The following SMG6 variants were observed in gnomAD, a reference collection of about 807,000 sequenced individuals.
The protein encoded by SMG6 is SMG6 nonsense mediated mRNA decay factor.
In SMG6, 66 loss-of-function variants were observed where a neutral mutation model predicts 142.2. The observed-to-expected ratio is 0.46, with a 90% confidence interval of 0.38 to 0.57. SMG6 has a LOEUF of 0.57. Among genes scored for constraint, SMG6 ranks in the 20% least tolerant of loss-of-function variants. The pLI is 0.00. For synonymous variants in SMG6, 779 were observed against 702.4 expected (o/e 1.11, Z -1.72); for missense variants, 1,793 against 1,832.0 (o/e 0.98, Z 0.39).
chr17:2,085,850 C>T lies in SMG6; in HGVS notation c.3409G>A (p.Ala1137Thr). The change falls in exon 14 of 19, where the codon GCC (alanine) becomes ACC (threonine). Residue 1137 changes from alanine to threonine, a missense_variant. Transcript: ENST00000263073. The surrounding 1 kb of genome is among the most constrained non-coding windows in gnomAD (Gnocchi z 4.1). ...RVTVLKYFLE[A>T]LCGQEEPLLA... ...AGAGGCTCTTCTTGTCCACAAAGGGCTTCCAGAAAATACTTCAGCACTGTG... is the reference window on the plus strand; with the variant it reads ...AGAGGCTCTTCTTGTCCACAAAGGGTTTCCAGAAAATACTTCAGCACTGTG... 6.2e-7 allele frequency: 1 copy of T among 1,614,238 alleles called. No individual in the cohort carries two copies. Among genetic ancestry groups the T allele is most frequent in the Non-Finnish European group, 8.5e-7 (1 of 1,180,040 alleles).
chr17:2,303,449 G>T, intron 1 of SMG6, 184 bp downstream of exon 1: 1 of 1,305,342 alleles, frequency 7.7e-7, no homozygotes, highest in Non-Finnish European at 9.7e-7. Context: ...GACTGGCCGA[G>T]CCCGACCCCG....
rs1175659261 is a variant in SMG6, at chr17:2,071,360, G to A, written c.3682-2429C>T. Among the ~76,000 whole-genome samples, 1 of 152,230 alleles carries A rather than the reference G, an allele frequency of 6.6e-6. No individual in the cohort carries two copies. Among genetic ancestry groups the A allele is most frequent in the Non-Finnish European group, 1.5e-5 (1 of 68,036 alleles). On this transcript the variant is annotated intron_variant, in intron 15 of 18. Coordinates refer to ENST00000263073, the MANE Select transcript of SMG6 (RefSeq NM_017575.5). The surrounding 1 kb of genome is among the most constrained non-coding windows in gnomAD (Gnocchi z 5.6). ...AGGCAGGAGAGCCTTGAAGCCAGGT[G>A]GCTGAGGGATGCTGGGGACAAACTG...
chr17:2,288,952 G>A (rs2074969995), intron 6 of SMG6, among the ~76,000 whole-genome samples: 2 of 151,710 alleles, frequency 1.3e-5, no homozygotes, highest in Non-Finnish European at 1.5e-5. Context: ...GGTGGAGGGC[G>A]CCTGTAGTCC....
At chr17:2,144,349 G>A (rs958705211) in intron 13 of SMG6, among the ~76,000 whole-genome samples, 2 of 152,036 alleles carry the variant, frequency 1.3e-5, no homozygotes, top group Non-Finnish European at 2.9e-5. Flanking sequence ...TTACAGGCGT[G>A]AGCCATGGCG....
intron 12 of SMG6, among the ~76,000 whole-genome samples, chr17:2,179,118 A>G (rs150384941): frequency 2.0e-5 from 3 of 152,250 alleles, no homozygotes; most frequent in Non-Finnish European, 4.4e-5. Flanking sequence ...TTGGAGGAAG[A>G]GGAACCCCCT....
chr17:2,210,535 G>A (rs140695643), intron 10 of SMG6, among the ~76,000 whole-genome samples: 93 of 152,012 alleles, frequency 6.1e-4, no homozygotes, highest in South Asian at 1.5e-3. Context: ...GAAATTTTGC[G>A]AGGGTGCACA....
At chr17:2,273,280 C>T (rs1038416454) in intron 8 of SMG6, among the ~76,000 whole-genome samples, 1 of 152,166 alleles carries the variant, frequency 6.6e-6, no homozygotes, top group African/African-American at 2.4e-5. Flanking sequence ...ATTTGGAAGG[C>T]TGAGGTGGGC....
chr17:2,277,150 TTTATTTA>T (rs1435999380), intron 8 of SMG6, among the ~76,000 whole-genome samples: 4 of 75,422 alleles, frequency 5.3e-5, no homozygotes, highest in Admixed American at 1.4e-4. Context: ...TATTTATTTA[TTTATTTA>T]TTTATTTATT....
intron 12 of SMG6, among the ~76,000 whole-genome samples, chr17:2,175,852 C>CT (rs1252514045): frequency 1.3e-5 from 2 of 152,326 alleles, no homozygotes; most frequent in African/African-American, 4.8e-5. Flanking sequence ...TGGTCTTGTG[C>CT]TCTGATTGTG....
intron 10 of SMG6, among the ~76,000 whole-genome samples, chr17:2,221,093 T>A (rs1318415725): frequency 6.6e-6 from 1 of 152,176 alleles, no homozygotes; most frequent in Admixed American, 6.5e-5. Flanking sequence ...GGACTGAACT[T>A]ACGCTGTTCT....
intron 13 of SMG6, among the ~76,000 whole-genome samples, chr17:2,142,491 T>C (rs1476460244): frequency 6.6e-6 from 1 of 150,652 alleles, no homozygotes; most frequent in African/African-American, 2.5e-5. Flanking sequence ...TGTCTGTCTA[T>C]CTATCTATGA....
chr17:2,185,074 G>GAT (rs1191899906), intron 12 of SMG6, among the ~76,000 whole-genome samples: 2 of 149,542 alleles, frequency 1.3e-5, no homozygotes, highest in Non-Finnish European at 3.0e-5. Flanking sequence ...CCCATACAGA[G>GAT]ATATATATAC....
At position 2,303,736 on chromosome 17, in the gene SMG6, T is replaced by G. The variant is rs1183473188; in HGVS notation, c.-16A>C. On this transcript the variant is annotated 5_prime_UTR_variant, in exon 1 of 19. Coordinates refer to ENST00000263073, the MANE Select transcript of SMG6 (RefSeq NM_017575.5). ...CTTCCGCCATCTTCGCGGCTGCTGC[T>G]ACAGCCGTAGCGGCTCCGCCACCGC... 2.7e-6 allele frequency: 4 copies of G among 1,488,348 alleles called. No homozygotes were observed. The highest frequency in any genetic ancestry group is 1.8e-4 in the Middle Eastern group (1 of 5,560). The allele number at this position is 1,488,348 out of a possible 1,614,324, so 92.2% of individuals were successfully genotyped here. A position where few individuals can be genotyped will look rare whatever the true frequency, so the allele number is the denominator to read the frequency against.
chr17:2,088,506 C>T (rs1262968158), intron 13 of SMG6: 1 of 985,328 alleles, frequency 1.0e-6, no homozygotes, highest in Non-Finnish European at 1.2e-6. Flanking sequence ...AGTTCCTTCT[C>T]TAGGACAAGG....
chr17:2,088,022 G>C, intron 13 of SMG6: 1 of 985,746 alleles, frequency 1.0e-6, no homozygotes, highest in Non-Finnish European at 1.2e-6. Flanking sequence ...ACTGAATGGA[G>C]AGGAGAGGGG....
chr17:2,078,523 C>T (rs910115328), intron 15 of SMG6, among the ~76,000 whole-genome samples: 1 of 152,010 alleles, frequency 6.6e-6, no homozygotes, highest in Non-Finnish European at 1.5e-5. Flanking sequence ...AGGCACCCGC[C>T]ACAACACTCA....
chr17:2,230,931 G>A (rs216213), intron 10 of SMG6, among the ~76,000 whole-genome samples: 94,084 of 151,540 alleles, frequency 0.62, 29,477 homozygotes, highest in East Asian at 0.73. Flanking sequence ...GATTCCCTAC[G>A]GAAATCTACC....
chr17:2,103,435 A>G (rs899836233), intron 13 of SMG6, among the ~76,000 whole-genome samples: 1 of 152,198 alleles, frequency 6.6e-6, no homozygotes, highest in Non-Finnish European at 1.5e-5. Flanking sequence ...TTATGGAATC[A>G]TTAGCACAGA....
chr17:2,160,744 T>C (rs577601136), intron 13 of SMG6, among the ~76,000 whole-genome samples: 9 of 152,070 alleles, frequency 5.9e-5, no homozygotes, highest in South Asian at 4.2e-4. Context: ...GGTGGGAGGA[T>C]TGCTTGAGCC....
Sources: allele counts gnomAD v4.1 joint callset (sites outside exome capture counted in the v4.1 genomes callset), GRCh38; gene constraint gnomAD v4.1.1; non-coding constraint Gnocchi (gnomAD v3.1); transcripts MANE v1.5; gene names NCBI Gene and HGNC (gene_info 2026-07-23, HGNC 2026-07-21).